The following AKR1E2 variants were observed in gnomAD, a reference collection of about 807,000 sequenced individuals.
AKR1E2 encodes 1,5-anhydro-D-fructose reductase.
A neutral mutation model predicts 41.9 loss-of-function variants in AKR1E2; 43 were observed. That is an observed-to-expected ratio of 1.03 (90% CI 0.80 to 1.32). The LOEUF (loss-of-function observed/expected upper bound fraction) is 1.32. Among genes scored for constraint, AKR1E2 ranks in the 40% most tolerant of loss-of-function variants. AKR1E2 has a pLI of 0.00. For synonymous variants in AKR1E2, 121 were observed against 138.9 expected, an observed-to-expected ratio of 0.87 and a Z score of 0.91; for missense variants, 423 against 396.5, an observed-to-expected ratio of 1.07 and a Z score of -0.57.
intron 2 of AKR1E2, 47 bp from the exon 3 acceptor site, chr10:4,833,303 C>A (rs748768701): frequency 6.8e-7 from 1 of 1,477,054 alleles, no homozygotes; most frequent in Non-Finnish European, 9.5e-7. Context: ...GGGTGCCATG[C>A]TGGCTCTGGG....
intron 6 of AKR1E2, among the ~76,000 whole-genome samples, chr10:4,841,480 G>T (rs1354330497): frequency 6.6e-6 from 1 of 152,158 alleles, no homozygotes; most frequent in East Asian, 1.9e-4. Flanking sequence ...AGAGTCGGGG[G>T]AGTCAAAGCT....
At chr10:4,825,641 C>T (rs1037017256), upstream of AKR1E2, among the ~76,000 whole-genome samples, 2 of 152,326 alleles carry the variant, frequency 1.3e-5, no homozygotes, top group African/African-American at 4.8e-5. Context: ...GGCTCCCTGA[C>T]GGGGAACCAA....
intron 1 of AKR1E2, among the ~76,000 whole-genome samples, chr10:4,828,173 A>G (rs1832694821): frequency 6.6e-6 from 1 of 152,152 alleles, no homozygotes. Flanking sequence ...TTCCTCCCAC[A>G]CGGGAGGTCA....
At chr10:4,835,621 T>TG (rs1833340640) in intron 3 of AKR1E2, 54 bp from the exon 4 acceptor site, 26 of 1,569,750 alleles carry the variant, frequency 1.7e-5, no homozygotes, top group East Asian at 2.4e-5. Flanking sequence ...ACACATGGTT[T>TG]TTTTTGTTTT....
the AKR1E2 span, among the ~76,000 whole-genome samples, chr10:4,854,704 G>T: frequency 6.6e-6 from 1 of 152,150 alleles, no homozygotes; most frequent in Non-Finnish European, 1.5e-5. Flanking sequence ...GGTAAGTGGG[G>T]TGTGTATACC....
At chr10:4,833,263 C>A in intron 2 of AKR1E2, 87 bp from the exon 3 acceptor site, 1 of 1,087,522 alleles carries the variant, frequency 9.2e-7, no homozygotes, top group Non-Finnish European at 1.4e-6. Context: ...ATTTTGGGTT[C>A]AAGACAGTAG....
At chr10:4,838,357 G>A (rs909992556) in intron 5 of AKR1E2, among the ~76,000 whole-genome samples, 1 of 152,176 alleles carries the variant, frequency 6.6e-6, no homozygotes, top group Non-Finnish European at 1.5e-5. Context: ...CTGTGTTTCT[G>A]TACATGTGAT....
intron 4 of AKR1E2, among the ~76,000 whole-genome samples, chr10:4,836,075 TA>T (rs767494348): frequency 2.6e-5 from 4 of 152,222 alleles, no homozygotes; most frequent in South Asian, 4.1e-4. Context: ...AATATTTATT[TA>T]TTTTTTTATT....
chr10:4,849,892 C>G (rs1307567729), downstream of AKR1E2, among the ~76,000 whole-genome samples: 1 of 152,182 alleles, frequency 6.6e-6, no homozygotes, highest in African/African-American at 2.4e-5. Flanking sequence ...AGATGGCAGC[C>G]TTTTACTGTC....
At chr10:4,827,684 TG>T (rs1470255127) in intron 1 of AKR1E2, among the ~76,000 whole-genome samples, 4 of 152,232 alleles carry the variant, frequency 2.6e-5, no homozygotes, top group African/African-American at 9.6e-5. Flanking sequence ...GGAGTCAGAA[TG>T]TTCAAGGCCT....
chr10:4,837,871 C>G (rs1475836908), intron 5 of AKR1E2, among the ~76,000 whole-genome samples: 1 of 152,196 alleles, frequency 6.6e-6, no homozygotes, highest in African/African-American at 2.4e-5. Context: ...AGGGTCCTGG[C>G]AGGTGCCTCA....
chr10:4,835,101 C>T lies in AKR1E2; in HGVS notation c.325-574C>T, dbSNP rs1486273337. On this transcript the variant is annotated intron_variant, in intron 3 of 9. Transcript: ENST00000298375. ...TAAATAAACATGCCTATGCCATTCA[C>T]CCTTAACATGCTACGTGGGAGTACA... is the stretch of plus-strand genomic sequence containing the variant. Among the ~76,000 whole-genome samples the T allele has an allele frequency of 1.3e-5, 2 of 152,228 alleles. 1 individual carries two copies. Among genetic ancestry groups the T allele is most frequent in the South Asian group, 4.1e-4 (2 of 4,830 alleles).
At chr10:4,843,881 G>A (rs1325664562) in intron 8 of AKR1E2, among the ~76,000 whole-genome samples, 1 of 152,202 alleles carries the variant, frequency 6.6e-6, no homozygotes, top group African/African-American at 2.4e-5. Context: ...AGCAGCTCTG[G>A]GTGACCAGCC....
the AKR1E2 span, among the ~76,000 whole-genome samples, chr10:4,855,766 A>G: frequency 3.3e-5 from 5 of 152,252 alleles, no homozygotes; most frequent in East Asian, 1.9e-4. Context: ...GGAAATAAAG[A>G]CAGTTTTAAA....
chr10:4,858,631 C>T, the AKR1E2 span, among the ~76,000 whole-genome samples: 3 of 151,912 alleles, frequency 2.0e-5, no homozygotes, highest in South Asian at 4.1e-4. Context: ...CTGCCCAAGA[C>T]GAGAGGAATA....
chr10:4,833,528 C>T, intron 3 of AKR1E2, 62 bp downstream of exon 3: 1 of 1,415,092 alleles, frequency 7.1e-7, no homozygotes, highest in Non-Finnish European at 1.0e-6. Flanking sequence ...TGCTCACACC[C>T]TGTCTTGCGG....
the AKR1E2 span, among the ~76,000 whole-genome samples, chr10:4,857,815 T>G: frequency 0.26 from 39,282 of 151,978 alleles, 5,286 homozygotes; most frequent in Middle Eastern, 0.37. Flanking sequence ...CTCTCATACT[T>G]TTTTTTATTT....
At chr10:4,854,085 G>GT in the AKR1E2 span, among the ~76,000 whole-genome samples, 859 of 129,186 alleles carry the variant, frequency 6.6e-3, 31 homozygotes, top group African/African-American at 0.023. Context: ...CTCCTTTACT[G>GT]TTTTTTTTTT....
the AKR1E2 span, among the ~76,000 whole-genome samples, chr10:4,861,022 C>G: frequency 6.6e-6 from 1 of 152,122 alleles, no homozygotes; most frequent in Non-Finnish European, 1.5e-5. Context: ...TGAAATTTGA[C>G]CAGTACATTA....
Sources: gnomAD v4.1 joint callset for allele counts (sites outside exome capture counted in the v4.1 genomes callset) on GRCh38, gnomAD v4.1.1 for gene constraint, MANE v1.5 for transcripts, NCBI Gene and HGNC (gene_info 2026-07-23, HGNC 2026-07-21) for gene names.